PTPRO: variants seen among roughly 807,000 people sequenced by gnomAD.
PTPRO encodes the protein protein tyrosine phosphatase receptor type O, also known as receptor-type tyrosine-protein phosphatase O.
In PTPRO, 62 loss-of-function variants were observed where a neutral mutation model predicts 145.2. The ratio of observed to expected loss-of-function variants is 0.43; its 90% confidence interval spans 0.35 to 0.53. The LOEUF is 0.53. Ranked by LOEUF, PTPRO falls within the 20% of genes least tolerant of loss-of-function variation. PTPRO has a pLI of 0.01. For synonymous variants in PTPRO, 565 were observed against 514.7 expected (o/e 1.10, Z -1.32); for missense variants, 1,345 against 1,482.7 (o/e 0.91, Z 1.53).
At chr12:15,347,966 A>AT (rs1266874479) in intron 1 of PTPRO, among the ~76,000 whole-genome samples, 7 of 152,028 alleles carry the variant, frequency 4.6e-5, no homozygotes, top group East Asian at 1.9e-4. Flanking sequence ...ATCTGCATAC[A>AT]TTTTTTTTCA....
chr12:15,539,761 CAAAAAAAAAAAAA>C (rs56061735), intron 12 of PTPRO, among the ~76,000 whole-genome samples: 5 of 52,458 alleles, frequency 9.5e-5, no homozygotes, highest in East Asian at 7.4e-4. Flanking sequence ...GACTCTGTCT[CAAAAAAAAAAAAA>C]AAAAAAAAAA....
rs1944293872 is a variant in PTPRO, at chr12:15,580,778, C to A, written c.3079C>A (p.Gln1027Lys). Residue 1027 changes from glutamine to lysine, a missense_variant, in exon 22 of 27, where the codon CAA (glutamine) becomes AAA (lysine). This residue lies in a region of PTPRO where 7 missense variants were observed against 25.3 expected (regional missense o/e 0.28). Coordinates refer to ENST00000281171, the MANE Select transcript of PTPRO (RefSeq NM_030667.3). ...TRNDFWKMVL[Q>K]QKSQIIVMLT... ...AAATGACTTCTGGAAGATGGTCCTG[C>A]AACAAAAGTCTCAGATTATTGTCAT... 6.2e-7 allele frequency: 1 copy of A among 1,613,854 alleles called. No homozygotes were observed. The highest frequency in any genetic ancestry group is 8.5e-7 in the Non-Finnish European group (1 of 1,179,950).
intron 20 of PTPRO, among the ~76,000 whole-genome samples, chr12:15,579,648 C>T (rs1222933172): frequency 6.6e-6 from 1 of 152,206 alleles, no homozygotes; most frequent in Non-Finnish European, 1.5e-5. Flanking sequence ...CATGCATCTT[C>T]TGTTCTCTAG....
chr12:15,364,174 C>G (rs1319426907), intron 1 of PTPRO, among the ~76,000 whole-genome samples: 1 of 152,078 alleles, frequency 6.6e-6, no homozygotes, highest in Non-Finnish European at 1.5e-5. Context: ...AGGCTTCAGT[C>G]TAGGAATATG....
chr12:15,450,780 AT>A (rs985118932), intron 1 of PTPRO, among the ~76,000 whole-genome samples: 23 of 152,174 alleles, frequency 1.5e-4, no homozygotes, highest in Non-Finnish European at 2.2e-4. Context: ...CTCAAAAAAA[AT>A]TTTTTTTTAA....
chr12:15,589,679 CA>C, intron 25 of PTPRO, 89 bp downstream of exon 25: 2 of 1,489,214 alleles, frequency 1.3e-6, no homozygotes, highest in Non-Finnish European at 1.9e-6. Context: ...ACAATTCTCT[CA>C]AACTTCTTTG....
intron 8 of PTPRO, among the ~76,000 whole-genome samples, chr12:15,515,987 G>GTTTTTTTTTTTTTTT (rs1387922121): frequency 2.5e-5 from 2 of 80,658 alleles, no homozygotes; most frequent in African/African-American, 1.1e-4. Context: ...TTTTTTTTTT[G>GTTTTTTTTTTTTTTT]TTTTGTTTTT....
intron 1 of PTPRO, among the ~76,000 whole-genome samples, chr12:15,447,452 G>T (rs1940929627): frequency 1.3e-5 from 2 of 152,094 alleles, no homozygotes; most frequent in African/African-American, 4.8e-5. Context: ...GAGTTTAACT[G>T]TTTCCCCACC....
At chr12:15,575,538 T>C (rs947088896) in intron 19 of PTPRO, among the ~76,000 whole-genome samples, 5 of 152,254 alleles carry the variant, frequency 3.3e-5, no homozygotes, top group African/African-American at 1.2e-4. Flanking sequence ...TATGGTGTTT[T>C]GTTATGGCAG....
intron 15 of PTPRO, among the ~76,000 whole-genome samples, chr12:15,554,287 G>A (rs915479271): frequency 1.3e-5 from 2 of 152,118 alleles, no homozygotes; most frequent in African/African-American, 4.8e-5. Flanking sequence ...GGTCAGAGTT[G>A]GGGGAACATC....
At chr12:15,456,689 G>A (rs1040760886) in intron 1 of PTPRO, among the ~76,000 whole-genome samples, 1 of 151,980 alleles carries the variant, frequency 6.6e-6, no homozygotes, top group African/African-American at 2.4e-5. Context: ...ATTCAGTCTT[G>A]GTAGGTTGTA....
intron 1 of PTPRO, among the ~76,000 whole-genome samples, chr12:15,391,783 A>G (rs911786432): frequency 3.9e-5 from 6 of 152,176 alleles, no homozygotes; most frequent in South Asian, 4.1e-4. Context: ...AATTAACACC[A>G]TGAATCCTGC....
At chr12:15,579,149 T>G (rs1299205169) in intron 20 of PTPRO, among the ~76,000 whole-genome samples, 3 of 152,206 alleles carry the variant, frequency 2.0e-5, no homozygotes, top group African/African-American at 7.2e-5. Flanking sequence ...TGCTTTTAAA[T>G]GAATTGCATC....
At chr12:15,344,275 A>G (rs778320593) in intron 1 of PTPRO, among the ~76,000 whole-genome samples, 4 of 152,236 alleles carry the variant, frequency 2.6e-5, no homozygotes, top group African/African-American at 4.8e-5. Flanking sequence ...AATAGTAGGT[A>G]TCATCCAAAT....
intron 19 of PTPRO, among the ~76,000 whole-genome samples, chr12:15,577,178 G>A (rs574717124): frequency 6.6e-6 from 1 of 152,320 alleles, no homozygotes; most frequent in Non-Finnish European, 1.5e-5. Context: ...AACATAGTTT[G>A]TATATAAAAC....
intron 12 of PTPRO, among the ~76,000 whole-genome samples, chr12:15,539,168 G>T (rs1390113478): frequency 6.6e-6 from 1 of 152,062 alleles, no homozygotes; most frequent in Non-Finnish European, 1.5e-5. Flanking sequence ...GTGAGGGGGT[G>T]GGAAGTGGGT....
chr12:15,565,998 G>A (rs1471056260), intron 18 of PTPRO, among the ~76,000 whole-genome samples: 5 of 152,110 alleles, frequency 3.3e-5, no homozygotes, highest in Non-Finnish European at 7.4e-5. Context: ...GAAATTCTGT[G>A]TTTATTGCAG....
chr12:15,374,605 G>T (rs1444432789), intron 1 of PTPRO, among the ~76,000 whole-genome samples: 2 of 152,066 alleles, frequency 1.3e-5, no homozygotes, highest in African/African-American at 4.8e-5. Flanking sequence ...AATCTGTCTT[G>T]AAGCTCTCTG....
At chr12:15,530,911 A>G (rs1268101893) in intron 12 of PTPRO, among the ~76,000 whole-genome samples, 1 of 152,076 alleles carries the variant, frequency 6.6e-6, no homozygotes, top group Non-Finnish European at 1.5e-5. Flanking sequence ...ACTAAAAATA[A>G]ATACAGAAGA....
Sources: gnomAD v4.1 joint callset for allele counts (sites outside exome capture counted in the v4.1 genomes callset) on GRCh38, gnomAD v4.1.1 for gene constraint, gnomAD v4.1.1 regional missense constraint, MANE v1.5 for transcripts, NCBI Gene and HGNC (gene_info 2026-07-23, HGNC 2026-07-21) for gene names.